Variants in CORIN observed in about 807,000 individuals in gnomAD.
The protein encoded by CORIN is corin, serine peptidase, also known as atrial natriuretic peptide-converting enzyme.
CORIN carries 117 observed loss-of-function variants against 125.3 expected under a neutral mutation model. That is an observed-to-expected ratio of 0.93 (90% CI 0.80 to 1.09). CORIN has a LOEUF of 1.09. CORIN is among the 50% of genes least tolerant of loss of function. The pLI, the probability that CORIN is intolerant of heterozygous loss-of-function variation, is 0.00. For synonymous variants in CORIN, 450 were observed against 466.4 expected, an observed-to-expected ratio of 0.96 and a Z score of 0.45; for missense variants, 1,253 against 1,306.7, an observed-to-expected ratio of 0.96 and a Z score of 0.63.
At chr4:47,706,537 A>G in intron 5 of CORIN, 1 of 1,611,170 alleles carries the variant, frequency 6.2e-7, no homozygotes, top group African/African-American at 1.3e-5. Context: ...CTACAAGGCC[A>G]AGCAAGGTTA....
At chr4:47,642,945 C>G in intron 15 of CORIN, 2 of 1,534,098 alleles carry the variant, frequency 1.3e-6, no homozygotes, top group Non-Finnish European at 1.7e-6. Flanking sequence ...ATAGATATTT[C>G]AAATAGAGAA....
chr4:47,712,751 T>C (rs1471575528), intron 5 of CORIN, among the ~76,000 whole-genome samples: 1 of 152,176 alleles, frequency 6.6e-6, no homozygotes, highest in East Asian at 1.9e-4. Context: ...CTGCATAAAA[T>C]ATTACCTCAA....
intron 2 of CORIN, among the ~76,000 whole-genome samples, chr4:47,787,210 G>T (rs1482003605): frequency 6.6e-6 from 1 of 152,040 alleles, no homozygotes; most frequent in African/African-American, 2.4e-5. Context: ...AAGGTTTCCT[G>T]GTGCTTCAAA....
intron 3 of CORIN, among the ~76,000 whole-genome samples, chr4:47,772,126 T>TA (rs1296256676): frequency 6.6e-6 from 1 of 152,242 alleles, no homozygotes; most frequent in African/African-American, 2.4e-5. Flanking sequence ...GGTAGATAGA[T>TA]AATTGTCTCT....
chr4:47,772,119 A>G (rs1730070685), intron 3 of CORIN, among the ~76,000 whole-genome samples: 1 of 152,170 alleles, frequency 6.6e-6, no homozygotes, highest in South Asian at 2.1e-4. Context: ...ATAGATAGGT[A>G]GATAGATAAT....
intron 5 of CORIN, among the ~76,000 whole-genome samples, chr4:47,729,443 C>A (rs76705674): frequency 6.6e-6 from 1 of 152,112 alleles, no homozygotes; most frequent in South Asian, 2.1e-4. Flanking sequence ...ATTAAAAGAA[C>A]TGAGGGGAGA....
intron 5 of CORIN, among the ~76,000 whole-genome samples, chr4:47,703,133 G>T (rs562495799): frequency 2.0e-5 from 3 of 152,190 alleles, no homozygotes; most frequent in Non-Finnish European, 2.9e-5. Flanking sequence ...GATAACCAGC[G>T]GTTGGATGCC....
rs146813496 is a variant in CORIN at position 47,770,948 on chromosome 4, C to T, written c.410-7362G>A. ...GTTAGACAGGAGAAGTAAGATCAAGCGACCTATTGTACAGCATGGTGACTA... is the reference window on the plus strand; with the variant it reads ...GTTAGACAGGAGAAGTAAGATCAAGTGACCTATTGTACAGCATGGTGACTA... On this transcript the variant is annotated intron_variant, in intron 3 of 21. Coordinates refer to ENST00000273857, the MANE Select transcript of CORIN (RefSeq NM_006587.4). 2.6e-5 allele frequency among the ~76,000 whole-genome samples: 4 copies of T among 152,098 alleles called. No homozygotes were observed. The East Asian group carries it at 5.8e-4, about 22-fold the overall frequency.
intron 13 of CORIN, among the ~76,000 whole-genome samples, chr4:47,645,553 T>A (rs758552556): frequency 5.3e-5 from 8 of 151,542 alleles, no homozygotes; most frequent in Non-Finnish European, 1.2e-4. Context: ...ATAATATTCA[T>A]ATTGTGATAT....
At chr4:47,623,540 G>A in intron 19 of CORIN, 31 bp downstream of exon 19, 1 of 1,606,122 alleles carries the variant, frequency 6.2e-7, no homozygotes, top group Non-Finnish European at 8.5e-7. Context: ...ATCAAATCCA[G>A]GCAAAGGAAA....
chr4:47,818,132 C>T (rs1016951596), intron 1 of CORIN, among the ~76,000 whole-genome samples: 1 of 152,034 alleles, frequency 6.6e-6, no homozygotes, highest in African/African-American at 2.4e-5. Flanking sequence ...CTCAGGAGGT[C>T]AAAAAATATC....
At chr4:47,596,560 T>C (rs1365704622) in intron 21 of CORIN, among the ~76,000 whole-genome samples, 1 of 152,198 alleles carries the variant, frequency 6.6e-6, no homozygotes, top group African/African-American at 2.4e-5. Context: ...AGTTGAACTA[T>C]ATTCAGTTTT....
At chr4:47,829,495 G>T (rs1732883525) in intron 1 of CORIN, among the ~76,000 whole-genome samples, 1 of 152,140 alleles carries the variant, frequency 6.6e-6, no homozygotes, top group African/African-American at 2.4e-5. Flanking sequence ...TGAGCCATCA[G>T]GGCAAATTAT....
At chr4:47,633,691 T>C (rs982468019) in intron 16 of CORIN, among the ~76,000 whole-genome samples, 2 of 152,246 alleles carry the variant, frequency 1.3e-5, no homozygotes, top group African/African-American at 4.8e-5. Context: ...AATTTAATTT[T>C]AGTTTCAAAG....
intron 7 of CORIN, chr4:47,683,530 A>G (rs1227831362): frequency 8.9e-6 from 4 of 451,262 alleles, no homozygotes; most frequent in Non-Finnish European, 1.2e-5. Flanking sequence ...TTTTCTTAAT[A>G]TGATTTTTTA....
chr4:47,614,568 T>C (rs1722001660), intron 19 of CORIN, among the ~76,000 whole-genome samples: 1 of 152,172 alleles, frequency 6.6e-6, no homozygotes, highest in African/African-American at 2.4e-5. Context: ...ATCTATGTGA[T>C]GAAAACATAC....
intron 1 of CORIN, among the ~76,000 whole-genome samples, chr4:47,821,393 G>A (rs1732504836): frequency 6.6e-6 from 1 of 150,424 alleles, no homozygotes; most frequent in South Asian, 2.1e-4. Flanking sequence ...TATAATATTA[G>A]AATTATTATT....
chr4:47,637,045 G>T (rs533311587), intron 16 of CORIN, among the ~76,000 whole-genome samples: 66 of 152,294 alleles, frequency 4.3e-4, no homozygotes, highest in Middle Eastern at 3.4e-3. Flanking sequence ...TGCTGAGGTG[G>T]TCTCAGATGG....
At chr4:47,689,583 T>C (rs911179900) in intron 6 of CORIN, among the ~76,000 whole-genome samples, 1 of 152,196 alleles carries the variant, frequency 6.6e-6, no homozygotes, top group African/African-American at 2.4e-5. Flanking sequence ...TGTGTGAACT[T>C]TGTGGCAGCT....
Sources: gnomAD v4.1 joint callset for allele counts (sites outside exome capture counted in the v4.1 genomes callset) on GRCh38, gnomAD v4.1.1 for gene constraint, MANE v1.5 for transcripts, NCBI Gene and HGNC (gene_info 2026-07-23, HGNC 2026-07-21) for gene names.